Variants in HS6ST3 observed in about 807,000 individuals in gnomAD.
The protein encoded by HS6ST3 is heparan sulfate 6-O-sulfotransferase 3, also known as heparan-sulfate 6-O-sulfotransferase 3.
In HS6ST3, 12 loss-of-function variants were observed where a neutral mutation model predicts 36.7. The observed-to-expected ratio is 0.33, with a 90% CI of 0.21 to 0.53. HS6ST3 has a LOEUF of 0.53. Ranked by LOEUF, HS6ST3 falls within the 20% of genes least tolerant of loss-of-function variation. The pLI is 0.95. For synonymous variants in HS6ST3, 240 were observed against 257.5 expected (o/e 0.93, Z 0.65); for missense variants, 584 against 640.9 (o/e 0.91, Z 0.96).
intron 1 of HS6ST3, among the ~76,000 whole-genome samples, chr13:96,404,709 G>A (rs2055468427): frequency 6.6e-6 from 1 of 152,172 alleles, no homozygotes; most frequent in Non-Finnish European, 1.5e-5. Context: ...CTAATCCACA[G>A]TAAATCAGAG....
At chr13:96,703,100 C>T (rs1231435274) in intron 1 of HS6ST3, among the ~76,000 whole-genome samples, 1 of 152,216 alleles carries the variant, frequency 6.6e-6, no homozygotes, top group Non-Finnish European at 1.5e-5. Context: ...GATATATTTA[C>T]TCCATGAATT....
intron 1 of HS6ST3, among the ~76,000 whole-genome samples, chr13:96,350,425 C>T (rs2055175928): frequency 6.6e-6 from 1 of 152,174 alleles, no homozygotes; most frequent in African/African-American, 2.4e-5. Flanking sequence ...TGTGATCAGT[C>T]ACTTTGAAAA....
intron 1 of HS6ST3, among the ~76,000 whole-genome samples, chr13:96,693,402 T>C (rs980602475): frequency 6.6e-6 from 1 of 152,182 alleles, no homozygotes; most frequent in Non-Finnish European, 1.5e-5. Context: ...CCTCCCGGGT[T>C]CAAGGAATTC....
chr13:96,351,320 CTTT>C (rs11348541), intron 1 of HS6ST3, among the ~76,000 whole-genome samples: 3,742 of 143,112 alleles, frequency 0.026, 89 homozygotes, highest in African/African-American at 0.059. Context: ...AGGTGGCAGT[CTTT>C]TTTTTTTTTT....
rs868729186 is a variant in HS6ST3 at position 96,284,934 on chromosome 13, T to G, written c.707+193365T>G. Among the ~76,000 whole-genome samples the G allele has an allele frequency of 7.3e-3, 1,030 of 140,298 alleles. 10 individuals are homozygous for G. The highest frequency in any genetic ancestry group is 0.024 in the African/African-American group (886 of 36,602). The allele number at this position is 140,298 out of a possible 152,430, so 92.0% of individuals were successfully genotyped here. A position where few individuals can be genotyped will look rare whatever the true frequency, so the allele number is the denominator to read the frequency against. On this transcript the variant is annotated intron_variant, in intron 1 of 1. Coordinates refer to ENST00000376705, the MANE Select transcript of HS6ST3 (RefSeq NM_153456.4). ...TGCTTTCTTTCTTTCTTTCTTTCTT[T>G]CTTTCTTTCTTTCTTTCTTTCTTTC...
At chr13:96,218,160 A>C (rs2054436503) in intron 1 of HS6ST3, among the ~76,000 whole-genome samples, 1 of 152,192 alleles carries the variant, frequency 6.6e-6, no homozygotes, top group Non-Finnish European at 1.5e-5. Flanking sequence ...TGGCATCAGC[A>C]ATGCTCCTCA....
chr13:96,799,626 T>C (rs1336780073), intron 1 of HS6ST3, among the ~76,000 whole-genome samples: 2 of 116,752 alleles, frequency 1.7e-5, no homozygotes, highest in African/African-American at 6.6e-5. Context: ...CACTGGGGAC[T>C]GTTGTGGGGT....
At chr13:96,094,485 TAAAC>T (rs939380007) in intron 1 of HS6ST3, among the ~76,000 whole-genome samples, 8 of 152,182 alleles carry the variant, frequency 5.3e-5, no homozygotes, top group Admixed American at 1.3e-4. Flanking sequence ...GTTGCAAACT[TAAAC>T]AATAAGTTGA....
chr13:96,242,183 C>A (rs2054564021), intron 1 of HS6ST3, among the ~76,000 whole-genome samples: 1 of 151,886 alleles, frequency 6.6e-6, no homozygotes, highest in East Asian at 1.9e-4. Context: ...CTTTCAACAG[C>A]CCCTGGCTAC....
chr13:96,164,852 T>A (rs973547919), intron 1 of HS6ST3, among the ~76,000 whole-genome samples: 3 of 152,174 alleles, frequency 2.0e-5, no homozygotes, highest in African/African-American at 7.2e-5. Flanking sequence ...GATACAGATT[T>A]TTTTTTTAAT....
At chr13:96,263,650 A>G (rs2054677270) in intron 1 of HS6ST3, among the ~76,000 whole-genome samples, 2 of 152,242 alleles carry the variant, frequency 1.3e-5, no homozygotes, top group South Asian at 2.1e-4. Context: ...TTTAGTGCCC[A>G]TGATACATAG....
chr13:96,556,465 G>C (rs530314002), intron 1 of HS6ST3, among the ~76,000 whole-genome samples: 1 of 151,796 alleles, frequency 6.6e-6, no homozygotes, highest in Non-Finnish European at 1.5e-5. Context: ...TATTTTATTT[G>C]GGTTTTACAC....
intron 1 of HS6ST3, among the ~76,000 whole-genome samples, chr13:96,570,517 G>A (rs1290029913): frequency 6.6e-6 from 1 of 152,166 alleles, no homozygotes; most frequent in South Asian, 2.1e-4. Context: ...ACGGGTCAGG[G>A]AGTTGAGACT....
At chr13:96,512,052 G>C (rs4771954) in intron 1 of HS6ST3, among the ~76,000 whole-genome samples, 122,774 of 152,068 alleles carry the variant, frequency 0.81, 50,820 homozygotes, top group Non-Finnish European at 0.9. Context: ...TTATGTATCT[G>C]TCTATATAGA....
At chr13:96,234,827 G>C (rs2054526750) in intron 1 of HS6ST3, among the ~76,000 whole-genome samples, 3 of 152,190 alleles carry the variant, frequency 2.0e-5, no homozygotes. Context: ...GGCACTCTTA[G>C]ATGCTGCTTA....
intron 1 of HS6ST3, among the ~76,000 whole-genome samples, chr13:96,632,075 G>A (rs958284672): frequency 6.6e-6 from 1 of 152,134 alleles, no homozygotes; most frequent in Non-Finnish European, 1.5e-5. Flanking sequence ...AGGCAATCAG[G>A]CCATGAGAGC....
At chr13:96,583,236 C>CTTTTTTTTTTTGTTTT (rs1566403521) in intron 1 of HS6ST3, among the ~76,000 whole-genome samples, 1 of 71,666 alleles carries the variant, frequency 1.4e-5, no homozygotes, top group Non-Finnish European at 2.6e-5. Flanking sequence ...TTTTTTGAGA[C>CTTTTTTTTTTTGTTTT]GGAGTCTTGC....
intron 1 of HS6ST3, among the ~76,000 whole-genome samples, chr13:96,458,451 T>C (rs1200028340): frequency 6.6e-6 from 1 of 152,172 alleles, no homozygotes; most frequent in African/African-American, 2.4e-5. Flanking sequence ...GAGCCATTTC[T>C]CTCTTTGAGT....
intron 1 of HS6ST3, among the ~76,000 whole-genome samples, chr13:96,397,659 C>A (rs1925129): frequency 0.48 from 73,274 of 151,976 alleles, 18,055 homozygotes; most frequent in Middle Eastern, 0.59. Context: ...CTGAAAATTT[C>A]TTGTCAGAAA....
Sources: allele counts gnomAD v4.1 joint callset (sites outside exome capture counted in the v4.1 genomes callset), GRCh38; gene constraint gnomAD v4.1.1; transcripts MANE v1.5; gene names NCBI Gene and HGNC (gene_info 2026-07-23, HGNC 2026-07-21).